Variants in RBFOX1 observed in about 807,000 individuals in gnomAD.
RBFOX1 encodes the protein RNA binding fox-1 homolog 1, also known as RNA binding protein fox-1 homolog 1.
RBFOX1 carries 8 observed loss-of-function variants against 57.7 expected under a neutral mutation model. The ratio of observed to expected loss-of-function variants is 0.14; its 90% CI spans 0.08 to 0.25. The LOEUF (loss-of-function observed/expected upper bound fraction) is 0.25, where lower values mean the gene tolerates loss of function less well. Ranked by LOEUF, RBFOX1 falls within the 10% of genes least tolerant of loss-of-function variation. The pLI is 1.00. For missense variants in RBFOX1, 611 were observed against 548.5 expected (o/e 1.11, Z -1.14); for synonymous variants, 326 against 222.4 (o/e 1.47, Z -4.15).
intron 4 of RBFOX1, among the ~76,000 whole-genome samples, chr16:7,148,382 T>A (rs2075447789): frequency 6.6e-6 from 1 of 152,228 alleles, no homozygotes; most frequent in Non-Finnish European, 1.5e-5. Context: ...ATTTTTTGCA[T>A]TAACCAACAC....
intron 3 of RBFOX1, among the ~76,000 whole-genome samples, chr16:6,656,970 CT>C: frequency 8.0e-6 from 1 of 124,524 alleles, no homozygotes; most frequent in African/African-American, 3.1e-5. Context: ...TTCCTCTCCT[CT>C]CCTCCCCTTT....
chr16:6,399,761 G>A (rs894602108), intron 2 of RBFOX1, among the ~76,000 whole-genome samples: 3 of 152,084 alleles, frequency 2.0e-5, no homozygotes, highest in Admixed American at 6.6e-5. Context: ...CCTGAGACTC[G>A]GTGATTTATA....
At chr16:7,126,935 G>A (rs1419438215) in intron 4 of RBFOX1, among the ~76,000 whole-genome samples, 1 of 151,680 alleles carries the variant, frequency 6.6e-6, no homozygotes, top group Non-Finnish European at 1.5e-5. Flanking sequence ...CTTAAACCCG[G>A]GAGGCAGAGG....
chr16:6,109,086 G>T (rs1484580956), intron 1 of RBFOX1, among the ~76,000 whole-genome samples: 1 of 152,212 alleles, frequency 6.6e-6, no homozygotes, highest in Non-Finnish European at 1.5e-5. Context: ...CATTGTACAA[G>T]AATGGGGGTT....
intron 3 of RBFOX1, among the ~76,000 whole-genome samples, chr16:6,886,019 A>G (rs1218578687): frequency 6.6e-6 from 1 of 151,814 alleles, no homozygotes; most frequent in African/African-American, 2.4e-5. Context: ...ACGAGATTTC[A>G]TGCATCAAGG....
chr16:7,304,982 A>T (rs145487136), intron 4 of RBFOX1, among the ~76,000 whole-genome samples: 2 of 145,808 alleles, frequency 1.4e-5, no homozygotes, highest in African/African-American at 5.1e-5. Flanking sequence ...GTGTGGTGCT[A>T]TATTCGGTCC....
chr16:6,124,923 A>C (rs976392998), intron 1 of RBFOX1, among the ~76,000 whole-genome samples: 9 of 152,132 alleles, frequency 5.9e-5, no homozygotes, highest in African/African-American at 2.2e-4. Flanking sequence ...TCCATATTTC[A>C]CAGTGCCTCA....
At chr16:5,906,193 CTG>C (rs1278859126) in intron 4 of RBFOX1, among the ~76,000 whole-genome samples, 1 of 152,176 alleles carries the variant, frequency 6.6e-6, no homozygotes, top group Non-Finnish European at 1.5e-5. Flanking sequence ...GTGCCTCAGA[CTG>C]TGTCCTTATT....
At chr16:5,949,303 G>A (rs78788633) in intron 4 of RBFOX1, among the ~76,000 whole-genome samples, 22,171 of 151,802 alleles carry the variant, frequency 0.15, 1,992 homozygotes, top group African/African-American at 0.23. Context: ...GAGGCAGGCC[G>A]ATCACGAGGT....
intron 4 of RBFOX1, among the ~76,000 whole-genome samples, chr16:7,303,760 G>GCTCTCTCTCT (rs145673482): frequency 2.1e-5 from 3 of 139,970 alleles, no homozygotes; most frequent in African/African-American, 5.3e-5. Context: ...CCTCCCTCTC[G>GCTCTCTCTCT]CTCTCTCTCT....
chr16:6,441,606 C>T (rs139003748), intron 2 of RBFOX1, among the ~76,000 whole-genome samples: 6 of 152,108 alleles, frequency 3.9e-5, no homozygotes, highest in Non-Finnish European at 5.9e-5. Flanking sequence ...TTAGTACAGA[C>T]GGGGTTTCGC....
Position 6,839,305 on chromosome 16 carries a change from C to A in RBFOX1, c.-16+184655C>A, listed in dbSNP as rs184253919. Among the ~76,000 whole-genome samples, 225 of 152,204 alleles carry A rather than the reference C, an allele frequency of 1.5e-3. 1 individual carries two copies. The highest frequency in any genetic ancestry group is 1.9e-3 in the Non-Finnish European group (129 of 68,004). On this transcript the variant is annotated intron_variant, in intron 3 of 15. Coordinates refer to ENST00000550418, the MANE Select transcript of RBFOX1 (RefSeq NM_018723.4). ...CGGCACATCATTTTCAACATAGCTG[C>A]CTCAGTCTGAAAACGATAACTCCTC...
chr16:7,658,026 G>C lies in RBFOX1; in HGVS notation c.890+4079G>C, dbSNP rs551496227. Reference sequence around the variant, plus strand: ...GTCTATAGACACAGTTTGCTTAAGCGAGAGTGGGGGATATATCTGCCCCCA... The same window carrying C: ...GTCTATAGACACAGTTTGCTTAAGCCAGAGTGGGGGATATATCTGCCCCCA... On this transcript the variant is annotated intron_variant, in intron 12 of 15. Transcript: ENST00000550418. Among the ~76,000 whole-genome samples, 4 of 152,294 alleles carry C rather than the reference G, an allele frequency of 2.6e-5. 1 individual carries two copies. In the South Asian group the frequency reaches 8.3e-4, roughly 32 times the overall value.
intron 3 of RBFOX1, among the ~76,000 whole-genome samples, chr16:5,748,374 G>A (rs1347508801): frequency 1.3e-5 from 2 of 152,174 alleles, no homozygotes; most frequent in African/African-American, 4.8e-5. Context: ...GGAGAGTTCT[G>A]TAGATGTCTA....
intron 3 of RBFOX1, among the ~76,000 whole-genome samples, chr16:5,824,221 CA>C (rs1567589905): frequency 6.6e-6 from 1 of 152,188 alleles, no homozygotes; most frequent in Non-Finnish European, 1.5e-5. Flanking sequence ...GAGGGGGCGC[CA>C]GAGTCTGCGC....
chr16:5,440,217 C>T (rs1392494599), intron 1 of RBFOX1, among the ~76,000 whole-genome samples: 2 of 152,230 alleles, frequency 1.3e-5, no homozygotes, highest in Admixed American at 6.5e-5. Context: ...GGGCCTCCCA[C>T]AGCCCTGGTA....
intron 4 of RBFOX1, among the ~76,000 whole-genome samples, chr16:7,512,289 G>C (rs572484390): frequency 2.6e-4 from 40 of 152,284 alleles, no homozygotes; most frequent in African/African-American, 9.4e-4. Flanking sequence ...GAGTGGAAAA[G>C]GTGCCCTTAA....
intron 4 of RBFOX1, among the ~76,000 whole-genome samples, chr16:7,222,159 C>A (rs947311919): frequency 1.3e-5 from 2 of 151,164 alleles, no homozygotes; most frequent in Admixed American, 1.3e-4. Flanking sequence ...AAAAGCCCAG[C>A]CTGAAGTAAG....
intron 3 of RBFOX1, among the ~76,000 whole-genome samples, chr16:6,908,910 G>A (rs1032309413): frequency 2.0e-5 from 3 of 152,108 alleles, no homozygotes; most frequent in African/African-American, 7.2e-5. Flanking sequence ...AAGCATTCAT[G>A]ACTGCAGCTG....
Sources: allele counts gnomAD v4.1 joint callset (sites outside exome capture counted in the v4.1 genomes callset), GRCh38; gene constraint gnomAD v4.1.1; transcripts MANE v1.5; gene names NCBI Gene and HGNC (gene_info 2026-07-23, HGNC 2026-07-21).